DYNC2H1: variants seen among roughly 807,000 people sequenced by gnomAD.
DYNC2H1 encodes the protein cytoplasmic dynein 2 heavy chain 1.
In DYNC2H1, 410 loss-of-function variants were observed where a neutral mutation model predicts 570.0. That is an observed-to-expected ratio of 0.72 (90% CI 0.66 to 0.78). The LOEUF (loss-of-function observed/expected upper bound fraction) is 0.78, where lower values mean the gene tolerates loss of function less well. Ranked by LOEUF, DYNC2H1 falls within the 30% of genes least tolerant of loss-of-function variation. The pLI is 0.00. For synonymous variants in DYNC2H1, 1,688 were observed against 1,677.6 expected (o/e 1.01, Z -0.15); for missense variants, 4,865 against 5,046.4 (o/e 0.96, Z 1.09).
intron 28 of DYNC2H1, among the ~76,000 whole-genome samples, chr11:103,160,322 T>C (rs1362953331): frequency 6.6e-6 from 1 of 152,126 alleles, no homozygotes; most frequent in African/African-American, 2.4e-5. Context: ...CATTTACCTG[T>C]TCATGGGCAT....
intron 85 of DYNC2H1, among the ~76,000 whole-genome samples, chr11:103,449,916 G>T (rs1944541733): frequency 1.3e-5 from 2 of 152,128 alleles, no homozygotes; most frequent in South Asian, 2.1e-4. Context: ...TGTCAGATTG[G>T]ATAAAACAAG....
intron 83 of DYNC2H1, among the ~76,000 whole-genome samples, chr11:103,377,118 C>G (rs1161011348): frequency 6.6e-6 from 1 of 152,142 alleles, no homozygotes; most frequent in African/African-American, 2.4e-5. Context: ...TAATCGGGGC[C>G]TTTTGAGCTT....
chr11:103,217,826 A>C (rs1863440823), intron 55 of DYNC2H1, among the ~76,000 whole-genome samples: 2 of 152,228 alleles, frequency 1.3e-5, no homozygotes. Flanking sequence ...ATATTTGATA[A>C]AGAACTTCTA....
At chr11:103,434,372 G>T (rs552933360) in intron 84 of DYNC2H1, among the ~76,000 whole-genome samples, 1 of 150,508 alleles carries the variant, frequency 6.6e-6, no homozygotes, top group South Asian at 2.1e-4. Flanking sequence ...ACACCCTTAA[G>T]ATTTATTGAA....
At chr11:103,171,863 A>G (rs576079026) in intron 34 of DYNC2H1, among the ~76,000 whole-genome samples, 46 of 152,262 alleles carry the variant, frequency 3.0e-4, no homozygotes, top group Non-Finnish European at 5.7e-4. Flanking sequence ...AATGAAGCAC[A>G]TGTTTTTGAT....
chr11:103,232,179 G>A (rs1003975513), intron 60 of DYNC2H1, among the ~76,000 whole-genome samples: 104 of 151,906 alleles, frequency 6.8e-4, no homozygotes, highest in African/African-American at 2.4e-3. Flanking sequence ...AGCTTGTTAT[G>A]GCAATGTTTT....
Position 103,429,856 on chromosome 11 carries a change from C to G in DYNC2H1, c.12367-6087C>G, listed in dbSNP as rs750918652. 4.0e-4 allele frequency among the ~76,000 whole-genome samples: 61 copies of G among 152,214 alleles called. No individual in the cohort carries two copies. The Middle Eastern group carries it at 0.02, about 51-fold the overall frequency. ...CTTCTCCTTTTCTTAAAATTGTAAACTGAGTCTTTTTTCACACATCATAAA... is the reference window on the plus strand; with the variant it reads ...CTTCTCCTTTTCTTAAAATTGTAAAGTGAGTCTTTTTTCACACATCATAAA... On this transcript the variant is annotated intron_variant, in intron 84 of 88. Transcript: ENST00000375735.
chr11:103,120,488 T>C lies in DYNC2H1; in HGVS notation c.1041T>C (p.Phe347=), dbSNP rs1427840502. The change falls in exon 7 of 89, where the codon TTT becomes TTC. Residue 347 remains phenylalanine (F), a synonymous_variant. Coordinates refer to ENST00000375735, the MANE Select transcript of DYNC2H1 (RefSeq NM_001377.3). ...CAATTCATGAGAAGTTTCTCTATTT[T>C]CTACCTGCCAGTGAAGAGAAAATCA... The part of the protein sequence containing the change: ...IRTIHEKFLY[F]LPASEEKIIC... The C allele has an allele frequency of 6.2e-7, 1 of 1,612,794 alleles. No individual in the cohort carries two copies. Among genetic ancestry groups the C allele is most frequent in the Non-Finnish European group, 8.5e-7 (1 of 1,179,316 alleles).
intron 31 of DYNC2H1, among the ~76,000 whole-genome samples, chr11:103,167,411 A>G (rs1463260652): frequency 6.6e-6 from 1 of 151,682 alleles, no homozygotes; most frequent in Non-Finnish European, 1.5e-5. Context: ...GAGATTACAG[A>G]CATGTGTCAT....
intron 85 of DYNC2H1, among the ~76,000 whole-genome samples, chr11:103,438,993 C>A (rs1420482911): frequency 6.6e-6 from 1 of 152,018 alleles, no homozygotes; most frequent in Non-Finnish European, 1.5e-5. Flanking sequence ...AAAGATAATT[C>A]CGCAAATGTG....
At position 103,135,580 on chromosome 11, in the gene DYNC2H1, G is replaced by A; in HGVS notation, c.2291G>A (p.Gly764Asp). ...YKALEHQYQMGLEALNENLPE... is the reference protein window; with the variant it reads ...YKALEHQYQMDLEALNENLPE... The stretch of plus-strand genomic sequence containing the variant: ...GCTCTGGAGCATCAGTACCAGATGG[G>A]CTTAGAAGCACTTAATGAGAATTTG... Residue 764 changes from glycine to aspartate, a missense_variant, in exon 16 of 89, where the codon GGC becomes GAC. Physicochemically the swap from Gly to Asp is moderately conservative, Grantham distance 94 (BLOSUM62 -1). Transcript: ENST00000375735. 1 of 1,613,310 alleles carries A rather than the reference G, an allele frequency of 6.2e-7. No homozygotes were observed. Among genetic ancestry groups the A allele is most frequent in the Middle Eastern group, 1.7e-4 (1 of 6,060 alleles).
Position 103,252,956 on chromosome 11 carries a change from A to G in DYNC2H1, c.10043-329A>G, listed in dbSNP as rs1305727031. ...AAGTAAAGAAAAAATATAATTGAGG[A>G]TTTCTATTTTTGTCATCTATAATCA... On this transcript the variant is annotated intron_variant, in intron 65 of 88. Transcript: ENST00000375735. The surrounding 1 kb of genome is among the most constrained non-coding windows in gnomAD (Gnocchi z 4.6). 1.3e-5 allele frequency among the ~76,000 whole-genome samples: 2 copies of G among 152,138 alleles called. No individual in the cohort carries two copies. Among genetic ancestry groups the G allele is most frequent in the Non-Finnish European group, 2.9e-5 (2 of 68,004 alleles).
At position 103,256,043 on chromosome 11, in the gene DYNC2H1, G is replaced by C; in HGVS notation, c.10327-63G>C. On this transcript the variant is annotated intron_variant, in intron 67 of 88. Transcript: ENST00000375735. The surrounding 1 kb of genome is among the most constrained non-coding windows in gnomAD (Gnocchi z 4.0). ...ATCAAATGAATGACAGTTAATATGG[G>C]TTTGCTTTAATTGGTTATTTTTATA... 7.1e-7 allele frequency: 1 copy of C among 1,403,126 alleles called. No individual in the cohort carries two copies. Among genetic ancestry groups the C allele is most frequent in the South Asian group, 1.4e-5 (1 of 69,816 alleles). 86.9% of individuals were successfully genotyped at this position (1,403,126 alleles called of 1,614,324 possible).
intron 34 of DYNC2H1, 113 bp downstream of exon 34, chr11:103,171,181 G>A (rs538132242): frequency 1.3e-5 from 13 of 978,906 alleles, no homozygotes; most frequent in Admixed American, 3.7e-5. Flanking sequence ...TTTCTAATCT[G>A]TAACCTGTGT....
chr11:103,198,777 G>A (rs191386011), intron 48 of DYNC2H1, among the ~76,000 whole-genome samples: 104 of 137,540 alleles, frequency 7.6e-4, no homozygotes, highest in African/African-American at 2.5e-3. Flanking sequence ...GCAGAGCATG[G>A]TACCTGTGTT....
At chr11:103,381,258 A>G (rs940970799) in intron 83 of DYNC2H1, among the ~76,000 whole-genome samples, 1 of 152,206 alleles carries the variant, frequency 6.6e-6, no homozygotes. Context: ...CAGCCTTCAC[A>G]GAGATCCTAT....
At chr11:103,396,424 C>T (rs1431559540) in intron 83 of DYNC2H1, among the ~76,000 whole-genome samples, 2 of 152,168 alleles carry the variant, frequency 1.3e-5, no homozygotes, top group East Asian at 1.9e-4. Flanking sequence ...CAACAGAGAC[C>T]TTACAGCCCA....
intron 85 of DYNC2H1, among the ~76,000 whole-genome samples, chr11:103,449,647 TAA>T (rs1944532757): frequency 2.0e-5 from 3 of 150,352 alleles, no homozygotes; most frequent in Admixed American, 1.3e-4. Context: ...TGGTAATTAT[TAA>T]GTTTAGAAAT....
Position 103,129,411 on chromosome 11 carries a change from A to G in DYNC2H1, c.1953+406A>G, listed in dbSNP as rs1412050955. ...TATAAGAAATTAGGAGGCTGGGTGCAGTGGCTTACGCCTGTCATCCCAGCA... is the reference window on the plus strand; with the variant it reads ...TATAAGAAATTAGGAGGCTGGGTGCGGTGGCTTACGCCTGTCATCCCAGCA... On this transcript the variant is annotated intron_variant, in intron 13 of 88. Transcript: ENST00000375735. This position sits in a 1 kb window ranked among gnomAD's most constrained non-coding sequence, Gnocchi z 4.1. Among the ~76,000 whole-genome samples, 1 of 152,190 alleles carries G rather than the reference A, an allele frequency of 6.6e-6. No individual in the cohort carries two copies. The highest frequency in any genetic ancestry group is 1.5e-5 in the Non-Finnish European group (1 of 68,028).
Sources: allele counts gnomAD v4.1 joint callset (sites outside exome capture counted in the v4.1 genomes callset), GRCh38; gene constraint gnomAD v4.1.1; non-coding constraint Gnocchi (gnomAD v3.1); transcripts MANE v1.5; gene names NCBI Gene and HGNC (gene_info 2026-07-23, HGNC 2026-07-21).